PHF14: variants seen among roughly 807,000 people sequenced by gnomAD.
The protein encoded by PHF14 is PHD finger protein 14.
Under a neutral mutation model 117.9 loss-of-function variants are expected in PHF14, and 55 were observed. The ratio of observed to expected loss-of-function variants is 0.47; its 90% CI spans 0.38 to 0.58. The LOEUF (loss-of-function observed/expected upper bound fraction) is 0.58. PHF14 is among the 20% of genes least tolerant of loss of function. The pLI is 0.00. For missense variants in PHF14, 978 were observed against 1,122.2 expected (o/e 0.87, Z 1.84); for synonymous variants, 409 against 368.6 (o/e 1.11, Z -1.26).
chr7:11,150,248 A>G (rs1194091066), intron 17 of PHF14, among the ~76,000 whole-genome samples: 3 of 152,102 alleles, frequency 2.0e-5, no homozygotes, highest in African/African-American at 7.2e-5. Context: ...TAGAATGCTT[A>G]TGGTTATTGT....
intron 17 of PHF14, among the ~76,000 whole-genome samples, chr7:11,166,201 T>G (rs1260123984): frequency 3.9e-5 from 6 of 152,156 alleles, no homozygotes; most frequent in Non-Finnish European, 7.4e-5. Flanking sequence ...TACATTTTCT[T>G]TACGATTGTT....
Position 11,036,620 on chromosome 7 carries a change from C to A in PHF14, c.1805C>A (p.Ser602Tyr). Residue 602 changes from serine (S) to tyrosine (Y), a missense_variant, in exon 9 of 18, where the codon TCT (serine) becomes TAT (tyrosine). Coordinates refer to ENST00000634607, the MANE Select transcript of PHF14 (RefSeq NM_001007157.2). ...IFPVDNSDTSSSVDGRRKHKQ... is the reference protein window; with the variant it reads ...IFPVDNSDTSYSVDGRRKHKQ... ...CCAGTGGACAATTCAGATACTAGTT[C>A]TAGTGTGGATGGAAGGAGAAAACAT... The A allele has an allele frequency of 6.2e-7, 1 of 1,613,538 alleles. No individual in the cohort carries two copies. Among genetic ancestry groups the A allele is most frequent in the Non-Finnish European group, 8.5e-7 (1 of 1,179,560 alleles).
At chr7:11,054,252 T>C (rs1784942905) in intron 14 of PHF14, among the ~76,000 whole-genome samples, 1 of 152,092 alleles carries the variant, frequency 6.6e-6, no homozygotes, top group African/African-American at 2.4e-5. Flanking sequence ...AGAGCTAGTA[T>C]AGACTTTGGA....
At chr7:11,051,428 T>A (rs1361985796) in intron 13 of PHF14, among the ~76,000 whole-genome samples, 184 bp from the exon 14 acceptor site, 1 of 152,184 alleles carries the variant, frequency 6.6e-6, no homozygotes, top group Non-Finnish European at 1.5e-5. Context: ...AATATTATAT[T>A]CATAGTAGTC....
At chr7:10,996,370 A>G (rs1782645386) in intron 4 of PHF14, among the ~76,000 whole-genome samples, 1 of 152,224 alleles carries the variant, frequency 6.6e-6, no homozygotes, top group South Asian at 2.1e-4. Flanking sequence ...TGTTATGCAA[A>G]GATGTAAGAC....
chr7:11,129,926 TACA>T (rs1371790388), intron 17 of PHF14, among the ~76,000 whole-genome samples: 2 of 151,934 alleles, frequency 1.3e-5, no homozygotes, highest in Admixed American at 6.6e-5. Flanking sequence ...TGGCAAAAAA[TACA>T]ACATTTCAAT....
intron 13 of PHF14, among the ~76,000 whole-genome samples, chr7:11,045,743 A>G (rs1784642083): frequency 6.6e-6 from 1 of 152,180 alleles, no homozygotes; most frequent in South Asian, 2.1e-4. Context: ...AAGGTAGGGA[A>G]GTTGAGTGAA....
chr7:10,978,151 G>A (rs1445085509), intron 2 of PHF14, among the ~76,000 whole-genome samples: 1 of 152,106 alleles, frequency 6.6e-6, no homozygotes, highest in Non-Finnish European at 1.5e-5. Context: ...GTGGTATTTT[G>A]TGCTTAATCT....
intron 16 of PHF14, among the ~76,000 whole-genome samples, chr7:11,077,278 T>A (rs1785897386): frequency 6.6e-6 from 1 of 151,542 alleles, no homozygotes; most frequent in Non-Finnish European, 1.5e-5. Flanking sequence ...CGTAAGCATT[T>A]GAATTAACCA....
At chr7:11,168,410 A>G (rs1353182196) in intron 17 of PHF14, among the ~76,000 whole-genome samples, 3 of 152,220 alleles carry the variant, frequency 2.0e-5, no homozygotes, top group Non-Finnish European at 2.9e-5. Context: ...GTCATAGAAA[A>G]CAAATATGCA....
At chr7:10,987,899 C>G (rs939413884) in intron 3 of PHF14, among the ~76,000 whole-genome samples, 1 of 151,044 alleles carries the variant, frequency 6.6e-6, no homozygotes, top group Non-Finnish European at 1.5e-5. Flanking sequence ...ACCTGTAATC[C>G]CAGCTACTCG....
At chr7:11,107,369 A>C in intron 16 of PHF14, 6 of 888,822 alleles carry the variant, frequency 6.8e-6, no homozygotes, top group Non-Finnish European at 8.1e-6. Context: ...TTTGGTCACT[A>C]CATTTTGTTA....
At chr7:11,036,392 A>G (rs1236451601) in intron 8 of PHF14, 26 bp from the exon 9 acceptor site, 3 of 1,536,310 alleles carry the variant, frequency 2.0e-6, no homozygotes, top group Admixed American at 1.9e-5. Context: ...ATTATCTTTT[A>G]AAATTTGAAT....
intron 17 of PHF14, among the ~76,000 whole-genome samples, chr7:11,115,251 A>G (rs1254064052): frequency 6.6e-6 from 1 of 151,988 alleles, no homozygotes; most frequent in African/African-American, 2.4e-5. Flanking sequence ...TTCCTGTTTG[A>G]GAAGCTATCT....
chr7:11,126,391 C>T (rs746720079), intron 17 of PHF14, among the ~76,000 whole-genome samples: 1 of 152,012 alleles, frequency 6.6e-6, no homozygotes, highest in Non-Finnish European at 1.5e-5. Context: ...AGGCTAAGTG[C>T]TGTAAAGGAT....
chr7:11,148,721 T>G (rs1482574631), intron 17 of PHF14, among the ~76,000 whole-genome samples: 1 of 152,228 alleles, frequency 6.6e-6, no homozygotes, highest in Non-Finnish European at 1.5e-5. Context: ...TGTAGGTTAA[T>G]AGACAAACAT....
At chr7:11,048,515 G>A (rs1013809147) in intron 13 of PHF14, among the ~76,000 whole-genome samples, 3 of 152,204 alleles carry the variant, frequency 2.0e-5, no homozygotes, top group Non-Finnish European at 4.4e-5. Context: ...AGGTTACAGT[G>A]AGCCTTAGAT....
intron 17 of PHF14, among the ~76,000 whole-genome samples, chr7:11,150,644 C>G (rs1296818136): frequency 1.3e-5 from 2 of 152,122 alleles, no homozygotes; most frequent in Non-Finnish European, 2.9e-5. Flanking sequence ...TTAGAATCCT[C>G]TATTTTTTCC....
At chr7:11,102,662 G>C in intron 16 of PHF14, 1 of 1,493,092 alleles carries the variant, frequency 6.7e-7, no homozygotes, top group Non-Finnish European at 8.9e-7. Context: ...GTTGCCTTTT[G>C]CTTGTCAGGT....
Sources: allele counts gnomAD v4.1 joint callset (sites outside exome capture counted in the v4.1 genomes callset), GRCh38; gene constraint gnomAD v4.1.1; transcripts MANE v1.5; gene names NCBI Gene and HGNC (gene_info 2026-07-23, HGNC 2026-07-21).